PCDH11Y: variants seen among roughly 807,000 people sequenced by gnomAD.
The protein encoded by PCDH11Y is protocadherin-11 Y-linked.
For synonymous variants in PCDH11Y, 9 were observed against 83.6 expected, an observed-to-expected ratio of 0.11 and a Z score of 4.87; for missense variants, 12 against 224.8, an observed-to-expected ratio of 0.05 and a Z score of 6.05.
chrY:5,210,988 G>T, intron 2 of PCDH11Y, among the ~76,000 whole-genome samples: 3 of 31,478 alleles, frequency 9.5e-5, no homozygotes, highest in Non-Finnish European at 1.5e-4. Flanking sequence ...ATATTTATGT[G>T]TATGTAAGTT....
intron 4 of PCDH11Y, among the ~76,000 whole-genome samples, chrY:5,683,411 A>G: frequency 6.1e-5 from 2 of 32,919 alleles, no homozygotes; most frequent in Admixed American, 2.8e-4. Flanking sequence ...TACAGATTCA[A>G]TGCAATCCCT....
chrY:5,177,038 C>A, intron 2 of PCDH11Y, among the ~76,000 whole-genome samples: 4 of 32,942 alleles, frequency 1.2e-4, no homozygotes, highest in Non-Finnish European at 3.0e-4. Context: ...TTAAATTAGA[C>A]AACAAGCAGT....
intron 4 of PCDH11Y, among the ~76,000 whole-genome samples, chrY:5,721,956 AAAAC>A (rs2053595143): frequency 3.0e-5 from 1 of 33,411 alleles, no homozygotes; most frequent in Non-Finnish European, 7.5e-5. Flanking sequence ...GCAAGCAACA[AAAAC>A]TAACTGTGAG....
At chrY:5,280,292 G>A (rs2124660669) in intron 2 of PCDH11Y, among the ~76,000 whole-genome samples, 8 of 32,006 alleles carry the variant, frequency 2.5e-4, no homozygotes, top group African/African-American at 9.8e-4. Flanking sequence ...ACCCTTCACC[G>A]TCTGATAGGC....
At chrY:5,041,126 A>C (rs2052607858) in intron 3 of PCDH11Y, among the ~76,000 whole-genome samples, 1 of 26,085 alleles carries the variant, frequency 3.8e-5, no homozygotes, top group African/African-American at 1.5e-4. Flanking sequence ...TTATTATTAT[A>C]CTTTAAGTTT....
intron 2 of PCDH11Y, among the ~76,000 whole-genome samples, chrY:5,446,206 A>G: frequency 3.0e-5 from 1 of 33,177 alleles, no homozygotes; most frequent in African/African-American, 1.2e-4. Flanking sequence ...TTATATTCAC[A>G]ACCTGAAGTC....
At chrY:5,127,489 T>G (rs2052826753) in intron 2 of PCDH11Y, among the ~76,000 whole-genome samples, 1 of 33,356 alleles carries the variant, frequency 3.0e-5, no homozygotes, top group Non-Finnish European at 7.4e-5. Flanking sequence ...TCCAGAAATT[T>G]ATTGTACAGA....
intron 2 of PCDH11Y, among the ~76,000 whole-genome samples, chrY:5,293,527 A>G: frequency 1.5e-4 from 5 of 33,033 alleles, no homozygotes. Flanking sequence ...TGCAGGGGAG[A>G]AAAAAATGTG....
intron 2 of PCDH11Y, among the ~76,000 whole-genome samples, chrY:5,189,250 G>A (rs1342148469): frequency 0.022 from 704 of 32,467 alleles, no homozygotes; most frequent in Middle Eastern, 0.2. Flanking sequence ...ATGATGTAAC[G>A]TTACACTATT....
intron 4 of PCDH11Y, among the ~76,000 whole-genome samples, chrY:5,627,826 G>A (rs2053508931): frequency 1.1e-3 from 35 of 32,476 alleles, no homozygotes; most frequent in African/African-American, 3.8e-3. Flanking sequence ...ATAGAATATG[G>A]TAAAATTAAA....
intron 2 of PCDH11Y, among the ~76,000 whole-genome samples, chrY:5,267,213 T>C: frequency 4.7e-5 from 1 of 21,118 alleles, no homozygotes; most frequent in Non-Finnish European, 1.2e-4. Flanking sequence ...TTTTTTTTTT[T>C]TTTTTTTTTT....
intron 3 of PCDH11Y, among the ~76,000 whole-genome samples, chrY:5,537,166 CACAA>C: frequency 6.4e-5 from 2 of 31,093 alleles, no homozygotes; most frequent in South Asian, 1.4e-3. Flanking sequence ...TGGTACCTTT[CACAA>C]TATTGATTCT....
intron 2 of PCDH11Y, among the ~76,000 whole-genome samples, chrY:5,271,628 A>G: frequency 2.9e-5 from 1 of 33,943 alleles, no homozygotes; most frequent in Non-Finnish European, 7.5e-5. Flanking sequence ...CTAAAATACA[A>G]AAGGGGCAAA....
chrY:5,667,709 A>G (rs2124707943), intron 4 of PCDH11Y, among the ~76,000 whole-genome samples: 3 of 33,366 alleles, frequency 9.0e-5, no homozygotes, highest in Non-Finnish European at 1.5e-4. Context: ...AAATTCTCTT[A>G]TCTAGCCTTC....
intron 4 of PCDH11Y, among the ~76,000 whole-genome samples, chrY:5,708,687 A>T: frequency 3.0e-5 from 1 of 33,396 alleles, no homozygotes; most frequent in Non-Finnish European, 7.4e-5. Flanking sequence ...TCATATCATC[A>T]GGGAAAATCA....
intron 2 of PCDH11Y, among the ~76,000 whole-genome samples, chrY:5,363,977 C>T: frequency 7.5e-5 from 2 of 26,766 alleles, no homozygotes. Flanking sequence ...GCCTCAGCCT[C>T]CCAAGTAGCT....
At chrY:5,243,640 G>A (rs377643457) in intron 2 of PCDH11Y, among the ~76,000 whole-genome samples, 1,038 of 28,308 alleles carry the variant, frequency 0.037, no homozygotes, top group African/African-American at 0.23. Flanking sequence ...CAGTGGTAAG[G>A]CACTGAGAGT....
At chrY:5,198,143 C>CT (rs2052922989) in intron 2 of PCDH11Y, among the ~76,000 whole-genome samples, 13 of 20,760 alleles carry the variant, frequency 6.3e-4, no homozygotes, top group East Asian at 3.9e-3. Flanking sequence ...GTATATACAA[C>CT]TTTTTTTTTT....
At chrY:5,135,154 C>T in intron 2 of PCDH11Y, among the ~76,000 whole-genome samples, 1 of 33,314 alleles carries the variant, frequency 3.0e-5, no homozygotes, top group Non-Finnish European at 7.4e-5. Flanking sequence ...GAAAGGCCAT[C>T]CCTGACTATA....
Sources: allele counts gnomAD v4.1 joint callset (sites outside exome capture counted in the v4.1 genomes callset), GRCh38; gene constraint gnomAD v4.1.1; transcripts MANE v1.5; gene names NCBI Gene and HGNC (gene_info 2026-07-23, HGNC 2026-07-21).